The following SEC63 variants were observed in gnomAD, a reference collection of about 807,000 sequenced individuals.
SEC63 encodes translocation protein SEC63 homolog.
In SEC63, 56 loss-of-function variants were observed where a neutral mutation model predicts 116.2. The observed-to-expected ratio is 0.48, with a 90% CI of 0.39 to 0.60. The LOEUF is 0.60. Among genes scored for constraint, SEC63 ranks in the 20% least tolerant of loss-of-function variants. The probability of loss-of-function intolerance (pLI) is 0.00; values close to 1 mark genes in which losing one functional copy is unlikely to be tolerated. For synonymous variants in SEC63, 273 were observed against 294.6 expected (o/e 0.93, Z 0.75); for missense variants, 668 against 900.0 (o/e 0.74, Z 3.30).
chr6:107,901,422 A>T lies in SEC63; in HGVS notation c.1305T>A (p.Val435=). 6.2e-7 allele frequency: 1 copy of T among 1,613,526 alleles called. No homozygotes were observed. The highest frequency in any genetic ancestry group is 8.5e-7 in the Non-Finnish European group (1 of 1,179,636). Residue 435 remains valine (V), a synonymous_variant, in exon 13 of 21, where the codon GTT becomes GTA. Transcript: ENST00000369002. ...HFLEDEKYEE[V]MAVLGSFPYV... is the part of the protein sequence containing the mutation. Reference sequence around the variant, plus strand: ...ATGGAAAACTCCCAAGGACAGCCATAACCTCTTCATATTTTTCATCTTCAA... The same window carrying T: ...ATGGAAAACTCCCAAGGACAGCCATTACCTCTTCATATTTTTCATCTTCAA...
In SEC63 at chr6:107,935,031, G is replaced by A. The variant is rs561528890; in HGVS notation, c.125-5517C>T. On this transcript the variant is annotated intron_variant, in intron 1 of 20. Transcript: ENST00000369002. Reference sequence around the variant, plus strand: ...CCCGCCCGGCCAGCCACCCCGTCCGGGAGGTGAGGGGCGCCTCTGCCCAGC... The same window carrying A: ...CCCGCCCGGCCAGCCACCCCGTCCGAGAGGTGAGGGGCGCCTCTGCCCAGC... Among the ~76,000 whole-genome samples the A allele has an allele frequency of 2.3e-3, 324 of 137,972 alleles. 3 individuals are homozygous for A. Among genetic ancestry groups the A allele is most frequent in the African/African-American group, 8.4e-3 (307 of 36,704 alleles). The allele number at this position is 137,972 out of a possible 152,430, so 90.5% of individuals were successfully genotyped here.
At chr6:107,882,898 GCAAA>G (rs1786444017) in intron 17 of SEC63, 86 bp downstream of exon 17, 4 of 843,580 alleles carry the variant, frequency 4.7e-6, no homozygotes, top group East Asian at 5.0e-5. Flanking sequence ...AAGCGAGCAA[GCAAA>G]CAAATGAACA....
intron 12 of SEC63, among the ~76,000 whole-genome samples, chr6:107,901,749 A>T (rs1403921830): frequency 2.0e-5 from 3 of 152,050 alleles, no homozygotes; most frequent in Admixed American, 6.5e-5. Context: ...TTATTTTTTT[A>T]AATTAGAAAA....
chr6:107,874,431 A>G (rs547452615), intron 19 of SEC63, among the ~76,000 whole-genome samples: 1 of 151,916 alleles, frequency 6.6e-6, no homozygotes, highest in Admixed American at 6.6e-5. Context: ...CGTCTCTACT[A>G]AAAAAATATA....
intron 18 of SEC63, among the ~76,000 whole-genome samples, chr6:107,879,027 T>C (rs907290737): frequency 4.6e-5 from 7 of 152,206 alleles, no homozygotes; most frequent in African/African-American, 1.7e-4. Context: ...ACGCATTAAA[T>C]ACAATAGACG....
rs748084765 is a variant in SEC63 at position 107,874,421 on chromosome 6, C to T, written c.2035-1509G>A. Reference sequence around the variant, plus strand: ...CATCATGGCTAACACAGTGAAACCCCGTCTCTACTAAAAAAATATAAAAAA... The same window carrying T: ...CATCATGGCTAACACAGTGAAACCCTGTCTCTACTAAAAAAATATAAAAAA... On this transcript the variant is annotated intron_variant, in intron 19 of 20. Transcript: ENST00000369002. 2.0e-4 allele frequency among the ~76,000 whole-genome samples: 31 copies of T among 151,934 alleles called. No homozygotes were observed. The Middle Eastern group carries it at 0.017, about 83-fold the overall frequency.
Position 107,925,644 on chromosome 6 carries a change from G to A in SEC63, c.225-712C>T, listed in dbSNP as rs542227942. On this transcript the variant is annotated intron_variant, in intron 2 of 20. Coordinates refer to ENST00000369002, the MANE Select transcript of SEC63 (RefSeq NM_007214.5). Reference sequence around the variant, plus strand: ...CATTACCAGCACTGGAGAGGTTAAAGAAAAAGAGAAACTCTCATACACTAT... The same window carrying A: ...CATTACCAGCACTGGAGAGGTTAAAAAAAAAGAGAAACTCTCATACACTAT... Among the ~76,000 whole-genome samples, 412 of 152,256 alleles carry A rather than the reference G, an allele frequency of 2.7e-3. 1 individual carries two copies. The highest frequency in any genetic ancestry group is 3.2e-3 in the Non-Finnish European group (218 of 68,006).
At chr6:107,906,830 C>T in intron 8 of SEC63, 53 bp from the exon 9 acceptor site, 1 of 1,323,234 alleles carries the variant, frequency 7.6e-7, no homozygotes. Flanking sequence ...TTCATTAATT[C>T]CCCCTCCTGA....
chr6:107,923,306 G>A (rs1316420366), intron 3 of SEC63, among the ~76,000 whole-genome samples: 3 of 151,924 alleles, frequency 2.0e-5, no homozygotes, highest in African/African-American at 7.3e-5. Context: ...ACAGATGAGG[G>A]TTTCCCTATG....
chr6:107,945,431 C>T (rs1475568562), intron 1 of SEC63, among the ~76,000 whole-genome samples: 1 of 151,594 alleles, frequency 6.6e-6, no homozygotes, highest in African/African-American at 2.4e-5. Context: ...CTCAGCCTCC[C>T]GAGCAGCTGG....
At chr6:107,903,133 T>C in intron 11 of SEC63, 135 bp from the exon 12 acceptor site, 2 of 890,276 alleles carry the variant, frequency 2.2e-6, no homozygotes, top group Admixed American at 2.1e-5. Context: ...GATTTTCCTT[T>C]AAAAGTTACC....
chr6:107,902,969 A>G lies in SEC63; in HGVS notation c.1084T>C (p.Ser362Pro). 1 of 1,614,124 alleles carries G rather than the reference A, an allele frequency of 6.2e-7. No homozygotes were observed. The highest frequency in any genetic ancestry group is 1.3e-5 in the African/African-American group (1 of 75,030). The change falls in exon 12 of 21, where the codon TCC becomes CCC. Residue 362 changes from serine (S) to proline (P), a missense_variant. By Grantham distance (74) the Ser-to-Pro change is moderately conservative. Around this residue, in one of 5 missense-constraint regions of SEC63, gnomAD observed 430 missense variants for 557.5 expected, o/e 0.77. Transcript: ENST00000369002. ...EREFRAPTLA[S>P]LENCMKLSQM... ...GAAAGCTTCATGCAGTTTTCTAGGG[A>G]TGCCAAAGTTGGAGCACGAAACTCC...
At chr6:107,912,380 C>G (rs191691947) in intron 6 of SEC63, among the ~76,000 whole-genome samples, 2 of 152,058 alleles carry the variant, frequency 1.3e-5, no homozygotes. Flanking sequence ...TTTGAGAGTT[C>G]GAGACCAGCC....
intron 12 of SEC63, 66 bp downstream of exon 12, chr6:107,902,778 A>T: frequency 6.7e-7 from 1 of 1,483,716 alleles, no homozygotes; most frequent in Non-Finnish European, 9.4e-7. Context: ...GAAAACTTTT[A>T]TTCATGTTAC....
intron 3 of SEC63, among the ~76,000 whole-genome samples, 196 bp downstream of exon 3, chr6:107,924,622 A>C (rs1787633605): frequency 6.6e-6 from 1 of 151,238 alleles, no homozygotes; most frequent in Admixed American, 6.7e-5. Context: ...AGCAATTGAA[A>C]ACCAATTATT....
At chr6:107,911,289 CA>C in intron 7 of SEC63, 56 bp downstream of exon 7, 1 of 1,189,580 alleles carries the variant, frequency 8.4e-7, no homozygotes, top group Non-Finnish European at 1.3e-6. Context: ...AGGGAGACTC[CA>C]AAACATGTCA....
intron 16 of SEC63, among the ~76,000 whole-genome samples, chr6:107,892,044 G>A (rs1267490381): frequency 3.3e-5 from 5 of 152,224 alleles, no homozygotes; most frequent in Non-Finnish European, 5.9e-5. Flanking sequence ...CCCACTTGAG[G>A]AGGCAGTCTG....
At chr6:107,887,774 A>C (rs1191768984) in intron 16 of SEC63, among the ~76,000 whole-genome samples, 1 of 151,990 alleles carries the variant, frequency 6.6e-6, no homozygotes, top group Admixed American at 6.6e-5. Context: ...TTTGTATAAG[A>C]TGTAAGGAAG....
intron 10 of SEC63, 138 bp from the exon 11 acceptor site, chr6:107,904,859 AAG>A (rs1344659800): frequency 2.6e-5 from 19 of 741,046 alleles, no homozygotes; most frequent in Non-Finnish European, 4.3e-5. Flanking sequence ...GATTGAATGG[AAG>A]AGTTTCTCCT....
Sources: gnomAD v4.1 joint callset for allele counts (sites outside exome capture counted in the v4.1 genomes callset) on GRCh38, gnomAD v4.1.1 for gene constraint, gnomAD v4.1.1 regional missense constraint, MANE v1.5 for transcripts, NCBI Gene and HGNC (gene_info 2026-07-23, HGNC 2026-07-21) for gene names.